ALDOC: variants seen among roughly 807,000 people sequenced by gnomAD.
ALDOC encodes fructose-bisphosphate aldolase C.
A neutral mutation model predicts 39.5 loss-of-function variants in ALDOC; 23 were observed. The observed-to-expected ratio is 0.58, with a 90% CI of 0.42 to 0.82. The LOEUF is 0.82. ALDOC is among the 40% of genes least tolerant of loss of function. The pLI, the probability that ALDOC is intolerant of heterozygous loss-of-function variation, is 0.00. For missense variants in ALDOC, 356 were observed against 479.1 expected, an observed-to-expected ratio of 0.74 and a Z score of 2.40; for synonymous variants, 160 against 182.6, an observed-to-expected ratio of 0.88 and a Z score of 1.00.
rs2151516361 is a variant in ALDOC, at chr17:28,573,941, T to A, written c.800-7A>T. The A allele has an allele frequency of 6.2e-7, 1 of 1,613,960 alleles. No homozygotes were observed. The highest frequency in any genetic ancestry group is 2.2e-5 in the East Asian group (1 of 44,880). On this transcript the variant is annotated splice_polypyrimidine_tract_variant and splice_region_variant and intron_variant, in intron 7 of 8. Transcript: ENST00000226253. The surrounding 1 kb of genome is among the most constrained non-coding windows in gnomAD (Gnocchi z 4.3). Reference sequence around the variant, plus strand: ...CCAGACAGGAAGGTCACTCCTAGTGTGGAGGAGAGAAGACAAACTGACTGG... The same window carrying A: ...CCAGACAGGAAGGTCACTCCTAGTGAGGAGGAGAGAAGACAAACTGACTGG...
At position 28,575,719 on chromosome 17, in the gene ALDOC, T is replaced by C; in HGVS notation, c.-12-175A>G. 1.2e-6 allele frequency: 1 copy of C among 809,060 alleles called. No individual in the cohort carries two copies. The highest frequency in any genetic ancestry group is 1.8e-5 in the South Asian group (1 of 54,138). 50.1% of individuals were successfully genotyped at this position (809,060 alleles called of 1,614,324 possible). A position where few individuals can be genotyped will look rare whatever the true frequency, so the allele number is the denominator to read the frequency against. ...TTCTGACAGCTAGCAAGCTTAGGGC[T>C]CCAGTTCCCACATCTCCTTTTGTCC... is the stretch of plus-strand genomic sequence containing the variant. On this transcript the variant is annotated intron_variant, in intron 1 of 8. Coordinates refer to ENST00000226253, the MANE Select transcript of ALDOC (RefSeq NM_005165.3). The surrounding 1 kb of genome is among the most constrained non-coding windows in gnomAD (Gnocchi z 4.3).
rs1223214236 is a variant in ALDOC at position 28,575,348 on chromosome 17, A to C, written c.113-14T>G. The C allele has an allele frequency of 1.2e-6, 2 of 1,613,848 alleles. No individual in the cohort carries two copies. The highest frequency in any genetic ancestry group is 1.7e-6 in the Non-Finnish European group (2 of 1,179,942). ...TGGCCATGCTGCCTAGGGGCAAACA[A>C]AGAGAGGCAGTGAGAACATCCCCAG... On this transcript the variant is annotated splice_polypyrimidine_tract_variant and intron_variant, in intron 2 of 8. Coordinates refer to ENST00000226253, the MANE Select transcript of ALDOC (RefSeq NM_005165.3). The surrounding 1 kb of genome is among the most constrained non-coding windows in gnomAD (Gnocchi z 4.3).
rs1449117698 is a variant in ALDOC at position 28,575,038 on chromosome 17, C to T, written c.325-32G>A. ...AGGAAGTACAAGCAGAGGGTTGAATCCAGGCAGGATTCTCCTTGCTACCCC... is the reference window on the plus strand; with the variant it reads ...AGGAAGTACAAGCAGAGGGTTGAATTCAGGCAGGATTCTCCTTGCTACCCC... On this transcript the variant is annotated intron_variant, in intron 3 of 8. Transcript: ENST00000226253. This position sits in a 1 kb window ranked among gnomAD's most constrained non-coding sequence, Gnocchi z 4.3. 1 of 1,614,200 alleles carries T rather than the reference C, an allele frequency of 6.2e-7. No homozygotes were observed. Among genetic ancestry groups the T allele is most frequent in the Non-Finnish European group, 8.5e-7 (1 of 1,180,022 alleles).
rs1747414023 is a variant in ALDOC at position 28,574,540 on chromosome 17, G to A, written c.578C>T (p.Pro193Leu). ...ACGTTTGAGGTCGTGGTCTCCATCA[G>A]GCAATATTTCAGGTTCCACAATAGG... ...IVPIVEPEIL[P>L]DGDHDLKRCQ... Residue 193 changes from proline to leucine, a missense_variant, in exon 6 of 9, where the codon CCT (proline) becomes CTT (leucine). Transcript: ENST00000226253. 1 of 1,614,016 alleles carries A rather than the reference G, an allele frequency of 6.2e-7. No individual in the cohort carries two copies.
chr17:28,573,899 CT>C lies in ALDOC; in HGVS notation c.834del (p.Glu279ArgfsTer56), dbSNP rs773722392. ...ATGGCATTGAGGTTGAATGATGCCT[CT>C]TCTTCGCTCTGACCCCCAGACAGGA... ...VTFLSGGQSE[E>X]EASFNLNAIN... On this transcript the variant is annotated frameshift_variant, in exon 8 of 9. Transcript: ENST00000226253. LOFTEE classifies it high-confidence loss of function. This position sits in a 1 kb window ranked among gnomAD's most constrained non-coding sequence, Gnocchi z 4.3. 6.2e-7 allele frequency: 1 copy of C among 1,614,200 alleles called. No homozygotes were observed. The highest frequency in any genetic ancestry group is 8.5e-7 in the Non-Finnish European group (1 of 1,180,042).
chr17:28,574,320 G>A, intron 6 of ALDOC, 79 bp from the exon 7 acceptor site: 1 of 1,481,912 alleles, frequency 6.7e-7, no homozygotes, highest in Admixed American at 1.8e-5. Context: ...TGTAGGGGTA[G>A]ATGGGCACAG....
rs371286350 is a variant in ALDOC, at chr17:28,574,221, C to T, written c.645G>A (p.Lys215=). 5.6e-6 allele frequency: 9 copies of T among 1,596,198 alleles called. No individual in the cohort carries two copies. Among genetic ancestry groups the T allele is most frequent in the African/African-American group, 1.3e-5 (1 of 74,384 alleles). The change falls in exon 7 of 9, where the codon AAG becomes AAA. Residue 215 remains lysine (K), a synonymous_variant. Transcript: ENST00000226253. ...GGTATACATGATGGTCACTCAGGGC[C>T]TTGTACACAGCAGCCAAGACCTGGG... is the stretch of plus-strand genomic sequence containing the variant. The part of the protein sequence containing the change: ...VTEKVLAAVY[K]ALSDHHVYLE...
rs771878945 is a variant in ALDOC, at chr17:28,573,864, G to A, written c.870C>T (p.Cys290=). Residue 290 remains cysteine (C), a synonymous_variant, in exon 8 of 9, where the codon TGC becomes TGT. Transcript: ENST00000226253. This position sits in a 1 kb window ranked among gnomAD's most constrained non-coding sequence, Gnocchi z 4.3. ...ASFNLNAINR[C]PLPRPWALTF... ...TAAGCGCCCAGGGTCGGGGAAGGGGGCAGCGGTTGATGGCATTGAGGTTGA... is the reference window on the plus strand; with the variant it reads ...TAAGCGCCCAGGGTCGGGGAAGGGGACAGCGGTTGATGGCATTGAGGTTGA... The A allele has an allele frequency of 7.4e-6, 12 of 1,614,154 alleles. No individual in the cohort carries two copies. The highest frequency in any genetic ancestry group is 5.0e-5 in the Admixed American group (3 of 60,012).
Position 28,574,495 on chromosome 17 carries a change from T to C in ALDOC, c.623A>G (p.Lys208Arg). Residue 208 changes from lysine to arginine, a missense_variant and splice_region_variant, in exon 6 of 9, where the codon AAG becomes AGG. Coordinates refer to ENST00000226253, the MANE Select transcript of ALDOC (RefSeq NM_005165.3). ...DLKRCQYVTE[K>R]VLAAVYKALS... Reference sequence around the variant, plus strand: ...TTGTGTGCCCAGGTGTGGACTCACCTTCTCTGTAACATACTGACAACGTTT... The same window carrying C: ...TTGTGTGCCCAGGTGTGGACTCACCCTCTCTGTAACATACTGACAACGTTT... The C allele has an allele frequency of 6.2e-7, 1 of 1,614,114 alleles. No homozygotes were observed. Among genetic ancestry groups the C allele is most frequent in the Non-Finnish European group, 8.5e-7 (1 of 1,179,978 alleles).
chr17:28,575,184 T>G lies in ALDOC; in HGVS notation c.263A>C (p.Asp88Ala), dbSNP rs750629013. 4 of 1,614,002 alleles carry G rather than the reference T, an allele frequency of 2.5e-6. No individual in the cohort carries two copies. The East Asian group carries it at 8.9e-5, about 36-fold the overall frequency. ...TCGGACGAAGGGAACACCATTATCA[T>G]CTTTCTGGTAGAGGGTCTCATGGAA... ...IFFHETLYQK[D>A]DNGVPFVRTI... The change falls in exon 3 of 9, where the codon GAT (aspartate) becomes GCT (alanine). Residue 88 changes from aspartate (D) to alanine (A), a missense_variant. Physicochemically the swap from Asp to Ala is moderately radical, Grantham distance 126. Coordinates refer to ENST00000226253, the MANE Select transcript of ALDOC (RefSeq NM_005165.3). The surrounding 1 kb of genome is among the most constrained non-coding windows in gnomAD (Gnocchi z 4.3).
At position 28,573,896 on chromosome 17, in the gene ALDOC, C is replaced by G. The variant is rs375869123; in HGVS notation, c.838G>C (p.Ala280Pro). ...TTGATGGCATTGAGGTTGAATGATG[C>G]CTCTTCTTCGCTCTGACCCCCAGAC... is the stretch of plus-strand genomic sequence containing the variant. Reference protein sequence around the residue: ...FLSGGQSEEEASFNLNAINRC... With the variant: ...FLSGGQSEEEPSFNLNAINRC... Residue 280 changes from alanine (A) to proline (P), a missense_variant, in exon 8 of 9, where the codon GCA becomes CCA. Physicochemically the swap from Ala to Pro is conservative, Grantham distance 27. Coordinates refer to ENST00000226253, the MANE Select transcript of ALDOC (RefSeq NM_005165.3). The surrounding 1 kb of genome is among the most constrained non-coding windows in gnomAD (Gnocchi z 4.3). The G allele has an allele frequency of 1.2e-6, 2 of 1,614,200 alleles. No individual in the cohort carries two copies. Among genetic ancestry groups the G allele is most frequent in the Non-Finnish European group, 1.7e-6 (2 of 1,180,038 alleles).
In ALDOC at chr17:28,575,594, T is replaced by A. The variant is rs907911115; in HGVS notation, c.-12-50A>T. On this transcript the variant is annotated intron_variant, in intron 1 of 8. Coordinates refer to ENST00000226253, the MANE Select transcript of ALDOC (RefSeq NM_005165.3). The surrounding 1 kb of genome is among the most constrained non-coding windows in gnomAD (Gnocchi z 4.3). ...GCCAGACCTCACCCTCTGCTGCCTC[T>A]CCTGGCCAGATGGGCCAAATGGCCT... 6.3e-7 allele frequency: 1 copy of A among 1,576,844 alleles called. No individual in the cohort carries two copies. Among genetic ancestry groups the A allele is most frequent in the Admixed American group, 1.8e-5 (1 of 55,720 alleles).
Position 28,575,272 on chromosome 17 carries a change from A to G in ALDOC, c.175T>C (p.Tyr59His). Reference sequence around the variant, plus strand: ...TCAGCACTGAACAGGACCTGGCGGTACAGCCGGCGGTTCTCCTCTGTGTTT... The same window carrying G: ...TCAGCACTGAACAGGACCTGGCGGTGCAGCCGGCGGTTCTCCTCTGTGTTT... ...VENTEENRRL[Y>H]RQVLFSADDR... Residue 59 changes from tyrosine to histidine, a missense_variant, in exon 3 of 9, where the codon TAC becomes CAC. By Grantham distance (83) the Tyr-to-His change is moderately conservative. Transcript: ENST00000226253. This position sits in a 1 kb window ranked among gnomAD's most constrained non-coding sequence, Gnocchi z 4.3. 1 of 1,614,210 alleles carries G rather than the reference A, an allele frequency of 6.2e-7. No individual in the cohort carries two copies. Among genetic ancestry groups the G allele is most frequent in the Non-Finnish European group, 8.5e-7 (1 of 1,180,038 alleles).
Position 28,575,287 on chromosome 17 carries a change from C to T in ALDOC, c.160G>A (p.Glu54Lys), listed in dbSNP as rs774169050. 1.2e-6 allele frequency: 2 copies of T among 1,614,224 alleles called. No individual in the cohort carries two copies. Among genetic ancestry groups the T allele is most frequent in the Non-Finnish European group, 8.5e-7 (1 of 1,180,048 alleles). The change falls in exon 3 of 9, where the codon GAG (glutamate) becomes AAG (lysine). Residue 54 changes from glutamate (E) to lysine (K), a missense_variant. Transcript: ENST00000226253. The surrounding 1 kb of genome is among the most constrained non-coding windows in gnomAD (Gnocchi z 4.3). ...LSQIGVENTE[E>K]NRRLYRQVLF... is the part of the protein sequence containing the mutation. Reference sequence around the variant, plus strand: ...ACCTGGCGGTACAGCCGGCGGTTCTCCTCTGTGTTTTCCACCCCAATTTGG... The same window carrying T: ...ACCTGGCGGTACAGCCGGCGGTTCTTCTCTGTGTTTTCCACCCCAATTTGG...
chr17:28,575,371 C>T lies in ALDOC; in HGVS notation c.113-37G>A. 25 of 1,614,206 alleles carry T rather than the reference C, an allele frequency of 1.5e-5. No individual in the cohort carries two copies. Among genetic ancestry groups the T allele is most frequent in the Non-Finnish European group, 2.0e-5 (24 of 1,180,022 alleles). On this transcript the variant is annotated intron_variant, in intron 2 of 8. Coordinates refer to ENST00000226253, the MANE Select transcript of ALDOC (RefSeq NM_005165.3). This position sits in a 1 kb window ranked among gnomAD's most constrained non-coding sequence, Gnocchi z 4.3. ...CAAAGAGAGGCAGTGAGAACATCCC[C>T]AGGGTCCCCTAGCCACCTGTACCCT...
chr17:28,576,638 G>A (rs1159951182), intron 1 of ALDOC, among the ~76,000 whole-genome samples, 163 bp downstream of exon 1: 15 of 151,132 alleles, frequency 9.9e-5, no homozygotes, highest in Admixed American at 9.9e-4. Context: ...GAACAGAAGA[G>A]GTTGAGCCAT....
At position 28,575,149 on chromosome 17, in the gene ALDOC, C is replaced by T; in HGVS notation, c.298G>A (p.Asp100Asn). The change falls in exon 3 of 9, where the codon GAT (aspartate) becomes AAT (asparagine). Residue 100 changes from aspartate to asparagine, a missense_variant. Coordinates refer to ENST00000226253, the MANE Select transcript of ALDOC (RefSeq NM_005165.3). This position sits in a 1 kb window ranked among gnomAD's most constrained non-coding sequence, Gnocchi z 4.3. ...TTGATGCCCACGACGATGCCCTTAT[C>T]CTGGATGGTTCGGACGAAGGGAACA... ...NGVPFVRTIQ[D>N]KGIVVGIKVD... The T allele has an allele frequency of 6.2e-7, 1 of 1,614,164 alleles. No individual in the cohort carries two copies. Among genetic ancestry groups the T allele is most frequent in the South Asian group, 1.1e-5 (1 of 91,086 alleles).
At chr17:28,574,373 G>T in intron 6 of ALDOC, 121 bp downstream of exon 6, 1 of 1,439,474 alleles carries the variant, frequency 6.9e-7, no homozygotes, top group Non-Finnish European at 9.7e-7. Context: ...GGCCTGTGCC[G>T]GGATGAAGTG....
rs374667649 is a variant in ALDOC at position 28,574,594 on chromosome 17, A to G, written c.541-17T>C. 287 of 1,614,078 alleles carry G rather than the reference A, an allele frequency of 1.8e-4. No homozygotes were observed. In the African/African-American group the frequency reaches 3.5e-3, roughly 20 times the overall value. On this transcript the variant is annotated splice_polypyrimidine_tract_variant and intron_variant, in intron 5 of 8. Transcript: ENST00000226253. Reference sequence around the variant, plus strand: ...AATGCCATTCTGCAGGCAAGAGCAGAGATGCTTGGGAGGGGCAGTAGGGGA... The same window carrying G: ...AATGCCATTCTGCAGGCAAGAGCAGGGATGCTTGGGAGGGGCAGTAGGGGA...
Sources: gnomAD v4.1 joint callset for allele counts (sites outside exome capture counted in the v4.1 genomes callset) on GRCh38, gnomAD v4.1.1 for gene constraint, Gnocchi (gnomAD v3.1) non-coding constraint, MANE v1.5 for transcripts, NCBI Gene and HGNC (gene_info 2026-07-23, HGNC 2026-07-21) for gene names.